Variants in PDE4D observed in about 807,000 individuals in gnomAD.
PDE4D encodes phosphodiesterase 4D, also known as 3',5'-cyclic-AMP phosphodiesterase 4D.
In PDE4D, 24 loss-of-function variants were observed where a neutral mutation model predicts 87.4. That is an observed-to-expected ratio of 0.27 (90% CI 0.20 to 0.39). The LOEUF is 0.39. Ranked by LOEUF, PDE4D falls within the 10% of genes least tolerant of loss-of-function variation. The pLI is 1.00. For missense variants in PDE4D, 714 were observed against 1,041.0 expected (o/e 0.69, Z 4.32); for synonymous variants, 384 against 383.2 (o/e 1.00, Z -0.02).
At chr5:60,202,016 A>G (rs1562213541) in intron 1 of PDE4D, among the ~76,000 whole-genome samples, 1 of 152,352 alleles carries the variant, frequency 6.6e-6, no homozygotes. Flanking sequence ...ATGAATTCAA[A>G]CTTTAAATAT....
At chr5:59,417,989 C>A (rs2153625611) in intron 1 of PDE4D, among the ~76,000 whole-genome samples, 1 of 152,262 alleles carries the variant, frequency 6.6e-6, no homozygotes, top group Admixed American at 6.5e-5. Context: ...TTAGCCATTG[C>A]AGAAACATAG....
At chr5:59,181,441 T>C (rs28398197) in intron 4 of PDE4D, among the ~76,000 whole-genome samples, 20 of 151,138 alleles carry the variant, frequency 1.3e-4, no homozygotes, top group African/African-American at 4.9e-4. Flanking sequence ...AAAGTATCCA[T>C]CAACATTTTT....
At chr5:59,787,784 T>C (rs1765333037) in intron 1 of PDE4D, among the ~76,000 whole-genome samples, 1 of 152,250 alleles carries the variant, frequency 6.6e-6, no homozygotes, top group Admixed American at 6.5e-5. Flanking sequence ...TGAATTTGTA[T>C]GTCTTTTATA....
At chr5:59,829,951 T>C (rs1465476919) in intron 1 of PDE4D, among the ~76,000 whole-genome samples, 1 of 151,848 alleles carries the variant, frequency 6.6e-6, no homozygotes, top group Non-Finnish European at 1.5e-5. Flanking sequence ...AAATCTCCTT[T>C]AGCATTGTTT....
rs185943417 is a variant in PDE4D at position 60,096,123 on chromosome 5, T to A, written c.42+89434A>T. ...TTAGATCCCATTTGTCAATTTTGGCTTTTGTTGCCATTGCTTTTGGTGTTT... is the reference window on the plus strand; with the variant it reads ...TTAGATCCCATTTGTCAATTTTGGCATTTGTTGCCATTGCTTTTGGTGTTT... On this transcript the variant is annotated intron_variant, in intron 2 of 16. Coordinates refer to the PDE4D transcript ENST00000502484. 3.1e-4 allele frequency among the ~76,000 whole-genome samples: 47 copies of A among 152,020 alleles called. 1 individual carries two copies. Among genetic ancestry groups the A allele is most frequent in the African/African-American group, 1.1e-3 (45 of 41,314 alleles).
At chr5:60,389,315 G>C (rs12189304) in intron 1 of PDE4D, among the ~76,000 whole-genome samples, 24,633 of 152,058 alleles carry the variant, frequency 0.16, 2,451 homozygotes, top group African/African-American at 0.28. Context: ...TCTTGAAACT[G>C]TATTCAAAAG....
At chr5:59,260,442 T>C (rs72765953) in intron 1 of PDE4D, among the ~76,000 whole-genome samples, 14,714 of 151,892 alleles carry the variant, frequency 0.097, 753 homozygotes, top group Non-Finnish European at 0.12. Flanking sequence ...TGTAGTTACA[T>C]TTCCTATATT....
At chr5:60,112,913 ATGAGGGTTC>A (rs1258488253) in intron 2 of PDE4D, among the ~76,000 whole-genome samples, 1 of 152,106 alleles carries the variant, frequency 6.6e-6, no homozygotes, top group Non-Finnish European at 1.5e-5. Flanking sequence ...GAGAAGGTTC[ATGAGGGTTC>A]TGCTTCTGTT....
chr5:59,787,553 C>T (rs1765309920), intron 1 of PDE4D, among the ~76,000 whole-genome samples: 1 of 152,034 alleles, frequency 6.6e-6, no homozygotes, highest in African/African-American at 2.4e-5. Context: ...CTGTAATATA[C>T]AGAAGGAAGG....
intron 2 of PDE4D, among the ~76,000 whole-genome samples, chr5:60,145,391 G>T (rs1780900259): frequency 6.6e-6 from 1 of 152,126 alleles, no homozygotes; most frequent in Non-Finnish European, 1.5e-5. Flanking sequence ...GATTGCTGGG[G>T]GAGCTATGAG....
chr5:60,098,025 T>A (rs1775846652), intron 2 of PDE4D, among the ~76,000 whole-genome samples: 1 of 151,990 alleles, frequency 6.6e-6, no homozygotes, highest in East Asian at 1.9e-4. Context: ...CAGTATCTGA[T>A]GAATGTCTGT....
At chr5:60,213,089 A>T (rs1412865046) in intron 1 of PDE4D, among the ~76,000 whole-genome samples, 1 of 152,200 alleles carries the variant, frequency 6.6e-6, no homozygotes, top group Non-Finnish European at 1.5e-5. Flanking sequence ...ATTGGTCCTC[A>T]ACATTAATTT....
intron 1 of PDE4D, among the ~76,000 whole-genome samples, chr5:59,602,880 C>G (rs555119815): frequency 2.0e-5 from 3 of 151,980 alleles, no homozygotes; most frequent in African/African-American, 7.2e-5. Flanking sequence ...AGAAATAAAC[C>G]CCTACATCTA....
chr5:59,770,342 T>G (rs1763313488), intron 1 of PDE4D, among the ~76,000 whole-genome samples: 1 of 152,052 alleles, frequency 6.6e-6, no homozygotes, highest in Non-Finnish European at 1.5e-5. Context: ...TGTAACTTAA[T>G]GGAAAGGATT....
chr5:60,273,829 A>G (rs1751068247), intron 1 of PDE4D, among the ~76,000 whole-genome samples: 2 of 152,110 alleles, frequency 1.3e-5, no homozygotes, highest in Admixed American at 1.3e-4. Context: ...GGCACACTGA[A>G]TTTGAGGTGA....
intron 1 of PDE4D, chr5:60,460,418 G>A: frequency 1.6e-6 from 2 of 1,236,394 alleles, no homozygotes; most frequent in African/African-American, 3.0e-5. Flanking sequence ...TCCTCCAGCA[G>A]GGCAGACACT....
intron 2 of PDE4D, among the ~76,000 whole-genome samples, chr5:60,039,619 A>T (rs1768233947): frequency 6.6e-6 from 1 of 151,968 alleles, no homozygotes; most frequent in Non-Finnish European, 1.5e-5. Context: ...AAAAATAAAA[A>T]ATATAGATAT....
rs1281607412 is a variant in PDE4D at position 59,642,959 on chromosome 5, T to C, written c.455+250209A>G. On this transcript the variant is annotated intron_variant, in intron 1 of 14. Transcript: ENST00000340635. Reference sequence around the variant, plus strand: ...ATAAAATAGTCAATCTCTACATTTTTTTTTCCAAATGCTGACAATAACAAT... The same window carrying C: ...ATAAAATAGTCAATCTCTACATTTTCTTTTCCAAATGCTGACAATAACAAT... 3.9e-5 allele frequency among the ~76,000 whole-genome samples: 6 copies of C among 152,194 alleles called. No homozygotes were observed. In the South Asian group the frequency reaches 8.3e-4, roughly 21 times the overall value.
intron 1 of PDE4D, among the ~76,000 whole-genome samples, chr5:59,323,824 G>C (rs1775154971): frequency 6.6e-6 from 1 of 151,892 alleles, no homozygotes; most frequent in Non-Finnish European, 1.5e-5. Context: ...GTCATTTGCT[G>C]CTTAAAATAT....
Sources: gnomAD v4.1 joint callset for allele counts (sites outside exome capture counted in the v4.1 genomes callset) on GRCh38, gnomAD v4.1.1 for gene constraint, MANE v1.5 for transcripts, NCBI Gene and HGNC (gene_info 2026-07-23, HGNC 2026-07-21) for gene names.